Variants in PDE4D observed in about 807,000 individuals in gnomAD.
PDE4D encodes 3',5'-cyclic-AMP phosphodiesterase 4D.
Under a neutral mutation model 87.4 loss-of-function variants are expected in PDE4D, and 24 were observed. The ratio of observed to expected loss-of-function variants is 0.27; its 90% CI spans 0.20 to 0.39. The LOEUF (loss-of-function observed/expected upper bound fraction) is 0.39, where lower values mean the gene tolerates loss of function less well. Among genes scored for constraint, PDE4D ranks in the 10% least tolerant of loss-of-function variants. The probability of loss-of-function intolerance (pLI) is 1.00; values close to 1 mark genes in which losing one functional copy is unlikely to be tolerated. For missense variants in PDE4D, 714 were observed against 1,041.0 expected (o/e 0.69, Z 4.32); for synonymous variants, 384 against 383.2 (o/e 1.00, Z -0.02).
intron 2 of PDE4D, among the ~76,000 whole-genome samples, chr5:60,177,131 C>A (rs1783983353): frequency 6.6e-6 from 1 of 152,060 alleles, no homozygotes. Context: ...TTGCATGTTA[C>A]CGCCTGGAAC....
rs1005993411 is a variant in PDE4D at position 60,202,787 on chromosome 5, TAC to T, written c.-89-17102_-89-17101del. On this transcript the variant is annotated intron_variant, in intron 1 of 16. Transcript: ENST00000502484. ...GATGGTACATGAAAAGAAAAAAAAA[TAC>T]AGTTTTGAGGCACTCATTTATTGCC... 3.6e-4 allele frequency among the ~76,000 whole-genome samples: 54 copies of T among 151,014 alleles called. 1 individual carries two copies. The highest frequency in any genetic ancestry group is 1.3e-3 in the African/African-American group (52 of 41,066).
chr5:59,817,716 G>A (rs1455023758), intron 1 of PDE4D, among the ~76,000 whole-genome samples: 3 of 151,316 alleles, frequency 2.0e-5, no homozygotes, highest in Admixed American at 6.6e-5. Context: ...AGGCATGCAG[G>A]CACGCGCGCG....
chr5:60,486,933 G>A (rs1749190638), intron 1 of PDE4D, among the ~76,000 whole-genome samples: 1 of 152,146 alleles, frequency 6.6e-6, no homozygotes, highest in African/African-American at 2.4e-5. Context: ...AATTATTTGG[G>A]AGGAAGAAAA....
At chr5:58,977,377 A>G (rs764970260) in intron 11 of PDE4D, 32 bp from the exon 12 acceptor site, 3 of 1,583,872 alleles carry the variant, frequency 1.9e-6, no homozygotes, top group Admixed American at 3.9e-5. Context: ...AAAGATCAGC[A>G]AAACTGTTTG....
At chr5:59,123,022 GT>G (rs1041221866) in intron 5 of PDE4D, among the ~76,000 whole-genome samples, 2 of 149,500 alleles carry the variant, frequency 1.3e-5, no homozygotes, top group East Asian at 2.0e-4. Context: ...TGCATTCTCT[GT>G]TTTTTTTGTT....
intron 3 of PDE4D, among the ~76,000 whole-genome samples, chr5:59,986,165 C>T (rs1038445653): frequency 9.2e-5 from 14 of 152,336 alleles, no homozygotes; most frequent in African/African-American, 2.6e-4. Context: ...AGCGATCCTC[C>T]TGCATCAGCC....
At position 58,990,003 on chromosome 5, in the gene PDE4D, C is replaced by T. The variant is rs1747502881; in HGVS notation, c.1288-84G>A. 3 of 791,614 alleles carry T rather than the reference C, an allele frequency of 3.8e-6. No homozygotes were observed. In the Admixed American group the frequency reaches 7.3e-5, roughly 19 times the overall value. The allele number at this position is 791,614 out of a possible 1,614,324, so 49.0% of individuals were successfully genotyped here. A position where few individuals can be genotyped will look rare whatever the true frequency, so the allele number is the denominator to read the frequency against. On this transcript the variant is annotated intron_variant, in intron 9 of 14. Coordinates refer to ENST00000340635, the MANE Select transcript of PDE4D (RefSeq NM_001104631.2). The stretch of plus-strand genomic sequence containing the variant: ...AGTATGTTTAAAAAAAAAAATCACA[C>T]ACCAGTGTTGCCAGTGGATAACCTG...
intron 1 of PDE4D, among the ~76,000 whole-genome samples, chr5:59,421,754 A>C (rs1288215807): frequency 1.3e-5 from 2 of 152,122 alleles, no homozygotes; most frequent in Non-Finnish European, 2.9e-5. Context: ...TGCTGAAAGA[A>C]CTTTTTTTTA....
intron 5 of PDE4D, among the ~76,000 whole-genome samples, chr5:59,040,354 C>A (rs2153395311): frequency 6.6e-6 from 1 of 152,278 alleles, no homozygotes; most frequent in Middle Eastern, 3.4e-3. Flanking sequence ...CCTAAGAGTT[C>A]TCTTAAAGGA....
At chr5:60,333,912 G>C (rs1319665070) in intron 1 of PDE4D, among the ~76,000 whole-genome samples, 1 of 152,022 alleles carries the variant, frequency 6.6e-6, no homozygotes, top group Non-Finnish European at 1.5e-5. Flanking sequence ...ATACACAACG[G>C]GTCAATATCA....
chr5:60,264,566 A>C (rs759393161), intron 1 of PDE4D, among the ~76,000 whole-genome samples: 8 of 152,254 alleles, frequency 5.3e-5, no homozygotes, highest in Non-Finnish European at 8.8e-5. Context: ...GTACTGGGTA[A>C]GTGGACTAGA....
chr5:59,238,857 C>G (rs150998051), intron 1 of PDE4D, among the ~76,000 whole-genome samples: 1 of 152,300 alleles, frequency 6.6e-6, no homozygotes, highest in African/African-American at 2.4e-5. Context: ...GACAAAGGTA[C>G]TTTTGACTTT....
At chr5:60,123,032 C>T (rs1038990425) in intron 2 of PDE4D, among the ~76,000 whole-genome samples, 1 of 152,156 alleles carries the variant, frequency 6.6e-6, no homozygotes, top group African/African-American at 2.4e-5. Flanking sequence ...ATAAGAATCA[C>T]CTTTGCTACA....
At chr5:60,023,430 T>C (rs1766287005) in intron 2 of PDE4D, among the ~76,000 whole-genome samples, 2 of 152,172 alleles carry the variant, frequency 1.3e-5, no homozygotes, top group Admixed American at 1.3e-4. Flanking sequence ...TTCAGTTGCA[T>C]TCCCCCCACC....
intron 1 of PDE4D, among the ~76,000 whole-genome samples, chr5:59,713,758 T>G (rs1561525231): frequency 6.6e-6 from 1 of 152,134 alleles, no homozygotes; most frequent in Non-Finnish European, 1.5e-5. Flanking sequence ...GAGAAAGCAC[T>G]GAAGCAGCTG....
intron 1 of PDE4D, chr5:60,520,905 G>C (rs1310955971): frequency 6.6e-6 from 1 of 152,530 alleles, no homozygotes; most frequent in Non-Finnish European, 1.5e-5. Flanking sequence ...GGCAGCCAGA[G>C]TCTCTGTGGG....
intron 3 of PDE4D, among the ~76,000 whole-genome samples, chr5:59,185,581 A>T (rs1742715112): frequency 6.6e-6 from 1 of 152,186 alleles, no homozygotes; most frequent in Non-Finnish European, 1.5e-5. Flanking sequence ...GCATTTTTGC[A>T]CATTTCAAAT....
chr5:60,073,753 G>C (rs890641537), intron 2 of PDE4D, among the ~76,000 whole-genome samples: 3 of 152,078 alleles, frequency 2.0e-5, no homozygotes, highest in South Asian at 2.1e-4. Context: ...TTCAGTCTGA[G>C]AGAGTGTATA....
intron 1 of PDE4D, among the ~76,000 whole-genome samples, chr5:59,460,484 G>T (rs1562228851): frequency 6.6e-6 from 1 of 152,066 alleles, no homozygotes; most frequent in Non-Finnish European, 1.5e-5. Flanking sequence ...ACTATTCAAG[G>T]CTACTCAGGA....
Sources: gnomAD v4.1 joint callset for allele counts (sites outside exome capture counted in the v4.1 genomes callset) on GRCh38, gnomAD v4.1.1 for gene constraint, MANE v1.5 for transcripts, NCBI Gene and HGNC (gene_info 2026-07-23, HGNC 2026-07-21) for gene names.